Variants in C7 observed in about 807,000 individuals in gnomAD.
C7 encodes the protein complement component C7.
Under a neutral mutation model 104.8 loss-of-function variants are expected in C7, and 83 were observed. That is an observed-to-expected ratio of 0.79 (90% CI 0.66 to 0.95). C7 has a LOEUF of 0.95. Among genes scored for constraint, C7 ranks in the 40% least tolerant of loss-of-function variants. The pLI, the probability that C7 is intolerant of heterozygous loss-of-function variation, is 0.00. For synonymous variants in C7, 415 were observed against 360.6 expected (o/e 1.15, Z -1.71); for missense variants, 1,070 against 1,011.2 (o/e 1.06, Z -0.79).
At chr5:40,927,795 G>A (rs1579843036) in intron 1 of C7, among the ~76,000 whole-genome samples, 1 of 152,204 alleles carries the variant, frequency 6.6e-6, no homozygotes, top group East Asian at 1.9e-4. Flanking sequence ...AAGGTAACAA[G>A]CATTGGTATG....
intron 3 of C7, among the ~76,000 whole-genome samples, chr5:40,933,011 C>T (rs1367318778): frequency 6.6e-6 from 1 of 152,138 alleles, no homozygotes; most frequent in Non-Finnish European, 1.5e-5. Flanking sequence ...CATCTGGGCT[C>T]TGGAACTTCA....
Position 40,959,546 on chromosome 5 carries a change from TG to T in C7, c.1592del (p.Gly531ValfsTer23), listed in dbSNP as rs1385474130. On this transcript the variant is annotated frameshift_variant, in exon 12 of 18. Transcript: ENST00000313164. LOFTEE classifies it high-confidence loss of function. Reference protein sequence around the residue: ...SRECNNPPPSGGGRSCVGETT... With the variant: ...SRECNNPPPSXGGRSCVGETT... ...GTGAATGCAATAACCCACCTCCCAG[TG>T]GGGGTGGGAGATCCTGCGTTGGAGA... 3 of 1,610,214 alleles carry T rather than the reference TG, an allele frequency of 1.9e-6. No individual in the cohort carries two copies. Among genetic ancestry groups the T allele is most frequent in the Non-Finnish European group, 1.7e-6 (2 of 1,178,456 alleles).
chr5:40,937,255 CT>C, intron 5 of C7: 1 of 191,916 alleles, frequency 5.2e-6, no homozygotes, highest in Non-Finnish European at 1.1e-5. Flanking sequence ...TCAAAACCAG[CT>C]GTTGCCATAG....
chr5:40,930,496 A>G (rs1244128628), intron 2 of C7, among the ~76,000 whole-genome samples: 1 of 151,648 alleles, frequency 6.6e-6, no homozygotes, highest in East Asian at 1.9e-4. Context: ...ATAAGCAACC[A>G]TACCCGGCCA....
chr5:40,957,377 C>T lies in C7; in HGVS notation c.1261-656C>T, dbSNP rs537815427. On this transcript the variant is annotated intron_variant, in intron 10 of 17. Transcript: ENST00000313164. The stretch of plus-strand genomic sequence containing the variant: ...TTCCACTAAGAGATATGTTAAATCT[C>T]TCAGTCAGGAAATTTAATTCTAAAT... Among the ~76,000 whole-genome samples the T allele has an allele frequency of 7.2e-5, 11 of 152,308 alleles. No individual in the cohort carries two copies. In the South Asian group the frequency reaches 2.1e-3, roughly 29 times the overall value.
At chr5:40,932,053 T>A (rs1212107606) in intron 3 of C7, among the ~76,000 whole-genome samples, 2 of 152,194 alleles carry the variant, frequency 1.3e-5, no homozygotes, top group East Asian at 3.8e-4. Flanking sequence ...CCACTGCACC[T>A]GGCCAATTCT....
intron 1 of C7, among the ~76,000 whole-genome samples, chr5:40,924,957 G>C (rs1412066513): frequency 6.6e-6 from 1 of 152,176 alleles, no homozygotes; most frequent in African/African-American, 2.4e-5. Context: ...AAGTGCCTTC[G>C]GGGCCTCTTC....
intron 1 of C7, among the ~76,000 whole-genome samples, chr5:40,925,369 T>C (rs1739530620): frequency 6.6e-6 from 1 of 152,204 alleles, no homozygotes; most frequent in Non-Finnish European, 1.5e-5. Flanking sequence ...CCCAATAAGT[T>C]TCTCATTTCC....
At chr5:40,941,803 G>A (rs1035201724) in intron 6 of C7, among the ~76,000 whole-genome samples, 1 of 152,168 alleles carries the variant, frequency 6.6e-6, no homozygotes, top group Non-Finnish European at 1.5e-5. Context: ...ATCCAGTTTA[G>A]GTATCTAAAG....
At chr5:40,921,213 A>T (rs1739431417) in intron 1 of C7, among the ~76,000 whole-genome samples, 1 of 152,194 alleles carries the variant, frequency 6.6e-6, no homozygotes, top group African/African-American at 2.4e-5. Context: ...TTCCATTTAT[A>T]AAAGCTATAA....
rs779087387 is a variant in C7, at chr5:40,979,749, A to G, written c.2190A>G (p.Gln730=). ...GACCTTCCTTGGATGTATGTGCTCA[A>G]GATGAGAGAAGCAAAAGGATACTGC... is the stretch of plus-strand genomic sequence containing the variant. ...ECGPSLDVCA[Q]DERSKRILPL... is the part of the protein sequence containing the mutation. The change falls in exon 17 of 18, where the codon CAA becomes CAG. Residue 730 remains glutamine, a synonymous_variant. Coordinates refer to ENST00000313164, the MANE Select transcript of C7 (RefSeq NM_000587.4). 1.7e-5 allele frequency: 28 copies of G among 1,613,342 alleles called. No homozygotes were observed. Among genetic ancestry groups the G allele is most frequent in the African/African-American group, 6.7e-5 (5 of 74,912 alleles).
chr5:40,949,755 T>C, intron 8 of C7, 149 bp from the exon 9 acceptor site: 2 of 622,038 alleles, frequency 3.2e-6, no homozygotes, highest in Non-Finnish European at 5.7e-6. Context: ...TCTTTGACTC[T>C]TCTAGAGCAC....
intron 15 of C7, among the ~76,000 whole-genome samples, chr5:40,973,456 G>T (rs556903438): frequency 2.6e-5 from 4 of 152,304 alleles, no homozygotes; most frequent in Admixed American, 2.6e-4. Flanking sequence ...ACAGGTGATG[G>T]TGTGAGGTGA....
Position 40,981,396 on chromosome 5 carries a change from G to A in C7, c.2355G>A (p.Glu785=). 1 of 1,610,772 alleles carries A rather than the reference G, an allele frequency of 6.2e-7. No individual in the cohort carries two copies. The highest frequency in any genetic ancestry group is 1.7e-5 in the Admixed American group (1 of 59,514). ...ACPLWGKCDA[E]SSKCVCREAS... is the part of the protein sequence containing the mutation. Reference sequence around the variant, plus strand: ...CTCTTTCACTTACTTTTCCAGCTGAGAGCAGCAAATGTGTCTGCCGAGAAG... The same window carrying A: ...CTCTTTCACTTACTTTTCCAGCTGAAAGCAGCAAATGTGTCTGCCGAGAAG... The change falls in exon 18 of 18, where the codon GAG becomes GAA. Residue 785 remains glutamate, a synonymous_variant. Coordinates refer to ENST00000313164, the MANE Select transcript of C7 (RefSeq NM_000587.4).
intron 7 of C7, among the ~76,000 whole-genome samples, chr5:40,945,691 C>T (rs928361754): frequency 4.6e-5 from 7 of 151,606 alleles, no homozygotes; most frequent in Non-Finnish European, 1.0e-4. Flanking sequence ...ATAGCAAGAC[C>T]CTGTCTCTAT....
intron 17 of C7, 141 bp from the exon 18 acceptor site, chr5:40,981,251 T>G: frequency 4.9e-6 from 4 of 818,408 alleles, no homozygotes; most frequent in Middle Eastern, 3.5e-4. Context: ...TCCTACTGCT[T>G]TTCCAGGGGA....
intron 14 of C7, among the ~76,000 whole-genome samples, 174 bp from the exon 15 acceptor site, chr5:40,972,229 T>G (rs1740712833): frequency 6.6e-6 from 1 of 152,162 alleles, no homozygotes; most frequent in Non-Finnish European, 1.5e-5. Flanking sequence ...GTCAATTACG[T>G]GCCAGGCTCT....
At chr5:40,957,386 G>A (rs1212131037) in intron 10 of C7, among the ~76,000 whole-genome samples, 1 of 152,150 alleles carries the variant, frequency 6.6e-6, no homozygotes, top group Non-Finnish European at 1.5e-5. Flanking sequence ...TCTCAGTCAG[G>A]AAATTTAATT....
chr5:40,978,873 A>ATTTTTTTTTT lies in C7; in HGVS notation c.2166-837_2166-828dup, dbSNP rs372551834. 1.4e-3 allele frequency among the ~76,000 whole-genome samples: 114 copies of ATTTTTTTTTT among 80,084 alleles called. 9 individuals are homozygous for ATTTTTTTTTT. The highest frequency in any genetic ancestry group is 0.011 in the South Asian group (18 of 1,648). 52.5% of individuals were successfully genotyped at this position (80,084 alleles called of 152,430 possible). The stretch of plus-strand genomic sequence containing the variant: ...GAGGAAGGTAACACATTTTATGGAA[A>ATTTTTTTTTT]TTTTTTTTTTTTTTTTTTTTTTTTG... On this transcript the variant is annotated intron_variant, in intron 16 of 17. Transcript: ENST00000313164.
Sources: gnomAD v4.1 joint callset for allele counts (sites outside exome capture counted in the v4.1 genomes callset) on GRCh38, gnomAD v4.1.1 for gene constraint, MANE v1.5 for transcripts, NCBI Gene and HGNC (gene_info 2026-07-23, HGNC 2026-07-21) for gene names.